The following PRMT3 variants were observed in gnomAD, a reference collection of about 807,000 sequenced individuals.
The protein encoded by PRMT3 is protein arginine methyltransferase 3, also known as protein arginine N-methyltransferase 3.
In PRMT3, 62 loss-of-function variants were observed where a neutral mutation model predicts 71.9. The observed-to-expected ratio is 0.86, with a 90% CI of 0.70 to 1.07. PRMT3 has a LOEUF of 1.07. Among genes scored for constraint, PRMT3 ranks in the 50% least tolerant of loss-of-function variants. The pLI is 0.00. For synonymous variants in PRMT3, 213 were observed against 220.4 expected (o/e 0.97, Z 0.30); for missense variants, 663 against 643.0 (o/e 1.03, Z -0.34).
In PRMT3 at chr11:20,397,560, T is replaced by C; in HGVS notation, c.561-17T>C. 6.2e-7 allele frequency: 1 copy of C among 1,613,658 alleles called. No homozygotes were observed. The highest frequency in any genetic ancestry group is 2.2e-5 in the East Asian group (1 of 44,870). On this transcript the variant is annotated splice_polypyrimidine_tract_variant and intron_variant, in intron 6 of 15. Coordinates refer to ENST00000331079, the MANE Select transcript of PRMT3 (RefSeq NM_005788.4). Reference sequence around the variant, plus strand: ...CCAATAAACCTGTCTCAAGGGTGTATTTCAAATTGATTACAGACAATTTGC... The same window carrying C: ...CCAATAAACCTGTCTCAAGGGTGTACTTCAAATTGATTACAGACAATTTGC...
intron 15 of PRMT3, among the ~76,000 whole-genome samples, chr11:20,504,249 G>C (rs1186594968): frequency 6.6e-6 from 1 of 152,102 alleles, no homozygotes; most frequent in Non-Finnish European, 1.5e-5. Flanking sequence ...TTCTTAAAAA[G>C]ACTATCCTTT....
intron 3 of PRMT3, among the ~76,000 whole-genome samples, chr11:20,391,159 C>T (rs1162184724): frequency 1.3e-5 from 2 of 152,166 alleles, no homozygotes; most frequent in Non-Finnish European, 1.5e-5. Flanking sequence ...CAGATAAATA[C>T]GTGATATCAC....
intron 13 of PRMT3, among the ~76,000 whole-genome samples, chr11:20,484,736 G>A (rs1851030339): frequency 6.6e-6 from 1 of 152,206 alleles, no homozygotes; most frequent in African/African-American, 2.4e-5. Context: ...CAGGTAGGGG[G>A]CCTTAGGTAG....
intron 7 of PRMT3, among the ~76,000 whole-genome samples, chr11:20,398,115 G>A (rs1008299132): frequency 1.3e-5 from 2 of 150,994 alleles, no homozygotes; most frequent in East Asian, 3.9e-4. Context: ...TTAAAATATT[G>A]GAAAAACGAC....
intron 15 of PRMT3, among the ~76,000 whole-genome samples, chr11:20,506,215 AAATTATCT>A (rs1851587496): frequency 6.6e-6 from 1 of 152,170 alleles, no homozygotes; most frequent in Admixed American, 6.5e-5. Context: ...ATATAAGCAT[AAATTATCT>A]AATGATTAAC....
chr11:20,444,426 A>G (rs1222858976), intron 10 of PRMT3, among the ~76,000 whole-genome samples: 6 of 152,132 alleles, frequency 3.9e-5, no homozygotes, highest in Admixed American at 1.3e-4. Flanking sequence ...TTTTTCGTCA[A>G]TAAGTTTCCC....
intron 9 of PRMT3, among the ~76,000 whole-genome samples, chr11:20,412,529 A>T (rs549877361): frequency 6.6e-6 from 1 of 151,606 alleles, no homozygotes; most frequent in African/African-American, 2.4e-5. Context: ...ACATTTATCA[A>T]TTTTTCACGA....
intron 13 of PRMT3, among the ~76,000 whole-genome samples, chr11:20,471,827 C>T (rs1850652317): frequency 6.6e-6 from 1 of 152,126 alleles, no homozygotes; most frequent in Non-Finnish European, 1.5e-5. Flanking sequence ...TTCTTTCTAT[C>T]CCTTAGCATG....
intron 11 of PRMT3, among the ~76,000 whole-genome samples, chr11:20,456,093 C>A (rs35649398): frequency 1.3e-5 from 2 of 152,094 alleles, no homozygotes; most frequent in African/African-American, 4.8e-5. Context: ...AGCAAAGTCA[C>A]AAGAGAAACT....
intron 15 of PRMT3, among the ~76,000 whole-genome samples, chr11:20,499,168 TTAATG>T (rs1388660931): frequency 6.6e-6 from 1 of 152,246 alleles, no homozygotes; most frequent in Non-Finnish European, 1.5e-5. Flanking sequence ...ATAGAAATAT[TTAATG>T]TATTGTAAAG....
chr11:20,475,896 G>C (rs1424838838), intron 13 of PRMT3, among the ~76,000 whole-genome samples: 1 of 151,230 alleles, frequency 6.6e-6, no homozygotes, highest in Non-Finnish European at 1.5e-5. Context: ...GGCTAGTCTT[G>C]AACTCCAGAC....
At chr11:20,480,101 C>T (rs1850894281) in intron 13 of PRMT3, among the ~76,000 whole-genome samples, 2 of 152,112 alleles carry the variant, frequency 1.3e-5, no homozygotes, top group South Asian at 2.1e-4. Flanking sequence ...CGCTTGAAGC[C>T]AGAAGTTCGA....
chr11:20,445,970 G>A (rs531659348), intron 10 of PRMT3, among the ~76,000 whole-genome samples: 51 of 152,184 alleles, frequency 3.4e-4, no homozygotes, highest in African/African-American at 1.1e-3. Context: ...ATAGGAAAAG[G>A]TTTTTTAAAT....
At position 20,508,365 on chromosome 11, in the gene PRMT3, C is replaced by T. The variant is rs750469660; in HGVS notation, c.1548C>T (p.Thr516=). ...HKNKKDPRSL[T]VTLTLNNSTQ... ...ATAAGAAAGATCCACGTTCTCTCAC[C>T]GTGACCCTCACGTTGAATAATTCAA... Residue 516 remains threonine, a synonymous_variant, in exon 16 of 16, where the codon ACC becomes ACT. Coordinates refer to ENST00000331079, the MANE Select transcript of PRMT3 (RefSeq NM_005788.4). The T allele has an allele frequency of 1.9e-5, 30 of 1,611,686 alleles. No homozygotes were observed. The highest frequency in any genetic ancestry group is 6.7e-5 in the East Asian group (3 of 44,846).
intron 9 of PRMT3, among the ~76,000 whole-genome samples, chr11:20,423,590 ACTAT>A (rs1849473198): frequency 6.6e-6 from 1 of 152,182 alleles, no homozygotes; most frequent in African/African-American, 2.4e-5. Flanking sequence ...GTGATATTCT[ACTAT>A]CTATGGCTTT....
chr11:20,466,786 A>G (rs1374226576), intron 13 of PRMT3, among the ~76,000 whole-genome samples: 1 of 152,210 alleles, frequency 6.6e-6, no homozygotes, highest in Non-Finnish European at 1.5e-5. Flanking sequence ...ACAAGAAAAA[A>G]ATTGGTAAAG....
chr11:20,475,425 T>G (rs1850756345), intron 13 of PRMT3, among the ~76,000 whole-genome samples: 1 of 152,162 alleles, frequency 6.6e-6, no homozygotes, highest in Admixed American at 6.5e-5. Context: ...ATTTGCCGCT[T>G]TCATTCTTCT....
chr11:20,461,278 A>G (rs1057098618), intron 11 of PRMT3, among the ~76,000 whole-genome samples: 6 of 152,076 alleles, frequency 3.9e-5, no homozygotes, highest in African/African-American at 1.4e-4. Flanking sequence ...CTTATCTTAT[A>G]TATTATCCCT....
chr11:20,397,778 C>A (rs1848860511), intron 7 of PRMT3, 57 bp downstream of exon 7: 1 of 1,574,264 alleles, frequency 6.4e-7, no homozygotes, highest in Non-Finnish European at 8.6e-7. Context: ...AGAACAGGTT[C>A]TTTCTTAATA....
Sources: gnomAD v4.1 joint callset for allele counts (sites outside exome capture counted in the v4.1 genomes callset) on GRCh38, gnomAD v4.1.1 for gene constraint, MANE v1.5 for transcripts, NCBI Gene and HGNC (gene_info 2026-07-23, HGNC 2026-07-21) for gene names.